The following DIDO1 variants were observed in gnomAD, a reference collection of about 807,000 sequenced individuals.
The protein encoded by DIDO1 is death inducer-obliterator 1.
DIDO1 carries 16 observed loss-of-function variants against 99.4 expected under a neutral mutation model. The observed-to-expected ratio is 0.16, with a 90% CI of 0.11 to 0.24. The LOEUF (loss-of-function observed/expected upper bound fraction) is 0.24, where lower values mean the gene tolerates loss of function less well. Among genes scored for constraint, DIDO1 ranks in the 10% least tolerant of loss-of-function variants. DIDO1 has a pLI of 1.00. For missense variants in DIDO1, 2,996 were observed against 3,014.0 expected, an observed-to-expected ratio of 0.99 and a Z score of 0.14; for synonymous variants, 1,366 against 1,239.1, an observed-to-expected ratio of 1.10 and a Z score of -2.15.
chr20:62,920,693 TG>T (rs1319285459), intron 1 of DIDO1, among the ~76,000 whole-genome samples: 1 of 152,252 alleles, frequency 6.6e-6, no homozygotes, highest in Non-Finnish European at 1.5e-5. Context: ...CATTCCATGC[TG>T]TTTCCACAGC....
chr20:62,907,444 A>T, intron 4 of DIDO1, 85 bp from the exon 5 acceptor site: 5 of 1,301,016 alleles, frequency 3.8e-6, no homozygotes, highest in East Asian at 2.3e-5. Context: ...CACCATTTAT[A>T]GTACCAAGGC....
At position 62,907,136 on chromosome 20, in the gene DIDO1, G is replaced by A. The variant is rs1326297183; in HGVS notation, c.1374+11C>T. The A allele has an allele frequency of 2.5e-6, 4 of 1,613,806 alleles. No homozygotes were observed. In the Admixed American group the frequency reaches 6.7e-5, roughly 27 times the overall value. On this transcript the variant is annotated intron_variant, in intron 5 of 15. Transcript: ENST00000395343. ...GTCCACTGCCTGGGCGGCTGGTCCT[G>A]GTCCACTCACCTGAGCACCGCATTT...
chr20:62,893,858 G>A lies in DIDO1; in HGVS notation c.2909C>T (p.Thr970Ile), dbSNP rs2064454124. The change falls in exon 12 of 16, where the codon ACC becomes ATC. Residue 970 changes from threonine (T) to isoleucine (I), a missense_variant. This residue lies in a region of DIDO1 where 898 missense variants were observed against 972.7 expected (regional missense o/e 0.92). Transcript: ENST00000395343. ...TVTVSGRDPR[T>I]APSSSCTAVA... ...GGCTGTGCATGAACTGCTTGGAGCG[G>A]TCCTGGGGTCCCGGCCGGACACTGT... is the stretch of plus-strand genomic sequence containing the variant. The A allele has an allele frequency of 6.2e-7, 1 of 1,613,506 alleles. No homozygotes were observed. The highest frequency in any genetic ancestry group is 1.1e-5 in the South Asian group (1 of 91,070).
intron 1 of DIDO1, among the ~76,000 whole-genome samples, chr20:62,915,643 T>C (rs1395700085): frequency 6.6e-6 from 1 of 152,086 alleles, no homozygotes; most frequent in African/African-American, 2.4e-5. Flanking sequence ...TGCGTGCCAC[T>C]ATGCCCAGCT....
chr20:62,888,177 G>A, intron 15 of DIDO1: 3 of 985,554 alleles, frequency 3.0e-6, no homozygotes, highest in Non-Finnish European at 3.6e-6. Context: ...GAGGGGGCTA[G>A]GACTGGACAC....
At chr20:62,900,008 TA>T (rs1471299315) in intron 6 of DIDO1, among the ~76,000 whole-genome samples, 1 of 152,192 alleles carries the variant, frequency 6.6e-6, no homozygotes, top group East Asian at 1.9e-4. Context: ...ACGTTGTGTA[TA>T]ACTTCAGAGA....
intron 1 of DIDO1, among the ~76,000 whole-genome samples, chr20:62,921,920 T>C (rs1481700132): frequency 6.7e-6 from 1 of 149,484 alleles, no homozygotes; most frequent in Non-Finnish European, 1.5e-5. Context: ...ATATATACAC[T>C]ATATATGTCC....
In DIDO1 at chr20:62,881,106, G is replaced by A. The variant is rs1259006432; in HGVS notation, c.4850C>T (p.Ser1617Phe). The A allele has an allele frequency of 6.2e-7, 1 of 1,609,400 alleles. No individual in the cohort carries two copies. The highest frequency in any genetic ancestry group is 2.2e-5 in the East Asian group (1 of 44,838). ...GGGCTTTTCGCCCGAAGCCCAGGGG[G>A]AAGAGGCTGGCTCTTTTTCCTCCGG... ...PVPEEKEPAS[S>F]PWASGEKPPA... The change falls in exon 16 of 16, where the codon TCC becomes TTC. Residue 1617 changes from serine (S) to phenylalanine (F), a missense_variant. Ser to Phe is a radical substitution (Grantham distance 155). Transcript: ENST00000395343. This position sits in a 1 kb window ranked among gnomAD's most constrained non-coding sequence, Gnocchi z 8.3.
intron 6 of DIDO1, among the ~76,000 whole-genome samples, chr20:62,897,641 G>A (rs2064566912): frequency 6.6e-6 from 1 of 152,228 alleles, no homozygotes; most frequent in Non-Finnish European, 1.5e-5. Flanking sequence ...CCCTCAGGCT[G>A]TAATTCCATT....
At chr20:62,882,627 C>T (rs969403680) in intron 15 of DIDO1, among the ~76,000 whole-genome samples, 25 of 152,214 alleles carry the variant, frequency 1.6e-4, no homozygotes, top group Non-Finnish European at 2.9e-4. Flanking sequence ...GGGAACACAC[C>T]GTGCCAGGAA....
At position 62,911,303 on chromosome 20, in the gene DIDO1, C is replaced by T. The variant is rs2064933127; in HGVS notation, c.310G>A (p.Ala104Thr). The part of the protein sequence containing the change: ...EDSGEPTSCP[A>T]TDAETASEGS... ...TCGGAGGCTGTCTCGGCGTCTGTGGCGGGGCAGGACGTGGGCTCACCAGAA... is the reference window on the plus strand; with the variant it reads ...TCGGAGGCTGTCTCGGCGTCTGTGGTGGGGCAGGACGTGGGCTCACCAGAA... The change falls in exon 3 of 16, where the codon GCC becomes ACC. Residue 104 changes from alanine (A) to threonine (T), a missense_variant. By Grantham distance (58) the Ala-to-Thr change is moderately conservative (BLOSUM62 0). Transcript: ENST00000395343. This position sits in a 1 kb window ranked among gnomAD's most constrained non-coding sequence, Gnocchi z 7.0. The T allele has an allele frequency of 2.5e-6, 4 of 1,609,460 alleles. No homozygotes were observed. Among genetic ancestry groups the T allele is most frequent in the Admixed American group, 1.7e-5 (1 of 59,992 alleles).
intron 1 of DIDO1, among the ~76,000 whole-genome samples, chr20:62,931,773 G>C (rs1459685926): frequency 6.6e-6 from 1 of 152,192 alleles, no homozygotes; most frequent in African/African-American, 2.4e-5. Flanking sequence ...GGGAGTATGG[G>C]ACCTTAGGGG....
chr20:62,911,761 T>C lies in DIDO1; in HGVS notation c.-2-147A>G. ...TCCTTCTGACCAGTGTTTCCTAATG[T>C]GTGCTATGTGAGATGATTCAAGATG... On this transcript the variant is annotated intron_variant, in intron 2 of 15. Coordinates refer to ENST00000395343, the MANE Select transcript of DIDO1 (RefSeq NM_001193369.2). This position sits in a 1 kb window ranked among gnomAD's most constrained non-coding sequence, Gnocchi z 7.0. The C allele has an allele frequency of 1.6e-6, 1 of 607,366 alleles. No individual in the cohort carries two copies. Among genetic ancestry groups the C allele is most frequent in the Non-Finnish European group, 2.7e-6 (1 of 371,894 alleles). The allele number at this position is 607,366 out of a possible 1,614,324, so 37.6% of individuals were successfully genotyped here.
chr20:62,915,756 T>C (rs549072284), intron 1 of DIDO1, among the ~76,000 whole-genome samples: 56 of 152,124 alleles, frequency 3.7e-4, no homozygotes, highest in African/African-American at 1.3e-3. Flanking sequence ...GCCTCCAGAG[T>C]TTTGGGGAGT....
Position 62,911,130 on chromosome 20 carries a change from C to G in DIDO1, c.483G>C (p.Leu161Phe). 6.2e-7 allele frequency: 1 copy of G among 1,614,094 alleles called. No homozygotes were observed. The highest frequency in any genetic ancestry group is 8.5e-7 in the Non-Finnish European group (1 of 1,180,040). ...TSDSDSDGLT[L>F]KELQNRLRRK... is the part of the protein sequence containing the mutation. ...TGCGAAGGCGATTCTGAAGCTCTTTCAAGGTCAGGCCATCGCTGTCACTAT... is the reference window on the plus strand; with the variant it reads ...TGCGAAGGCGATTCTGAAGCTCTTTGAAGGTCAGGCCATCGCTGTCACTAT... Residue 161 changes from leucine (L) to phenylalanine (F), a missense_variant, in exon 3 of 16, where the codon TTG (leucine) becomes TTC (phenylalanine). Around this residue, in one of 5 missense-constraint regions of DIDO1, gnomAD observed 388 missense variants for 376.6 expected, o/e 1.03. Transcript: ENST00000395343. This position sits in a 1 kb window ranked among gnomAD's most constrained non-coding sequence, Gnocchi z 7.0.
At chr20:62,927,395 AC>A (rs1272015938), upstream of DIDO1, among the ~76,000 whole-genome samples, 5 of 152,212 alleles carry the variant, frequency 3.3e-5, no homozygotes, top group Non-Finnish European at 7.3e-5. Context: ...CTCAATAGTA[AC>A]TAGAGTGACA....
At position 62,881,838 on chromosome 20, in the gene DIDO1, T is replaced by C; in HGVS notation, c.4118A>G (p.Asp1373Gly). 1 of 1,613,546 alleles carries C rather than the reference T, an allele frequency of 6.2e-7. No individual in the cohort carries two copies. Among genetic ancestry groups the C allele is most frequent in the Non-Finnish European group, 8.5e-7 (1 of 1,180,012 alleles). Residue 1373 changes from aspartate to glycine, a missense_variant, in exon 16 of 16, where the codon GAT becomes GGT. By Grantham distance (94) the Asp-to-Gly change is moderately conservative. This residue lies in a region of DIDO1 where 1,562 missense variants were observed against 1,412.6 expected (regional missense o/e 1.11). Transcript: ENST00000395343. This position sits in a 1 kb window ranked among gnomAD's most constrained non-coding sequence, Gnocchi z 8.3. Reference sequence around the variant, plus strand: ...GTCCTCCTCTTCCTCTAGAGCCTTATCTTTTGAGAACTGACCGAACTGCTG... The same window carrying C: ...GTCCTCCTCTTCCTCTAGAGCCTTACCTTTTGAGAACTGACCGAACTGCTG... ...IVQQFGQFSK[D>G]KALEEEEDDR...
In DIDO1 at chr20:62,906,012, C is replaced by A; in HGVS notation, c.1463G>T (p.Arg488Leu). Reference sequence around the variant, plus strand: ...TGCTTCCTTCCCGAGTGCTTCACTCCGCGCAGGGACCACCACTGCCTTCTT... The same window carrying A: ...TGCTTCCTTCCCGAGTGCTTCACTCAGCGCAGGGACCACCACTGCCTTCTT... ...TVKKAVVVPA[R>L]SEALGKEAAC... The change falls in exon 6 of 16, where the codon CGG (arginine) becomes CTG (leucine). Residue 488 changes from arginine (R) to leucine (L), a missense_variant. Physicochemically the swap from Arg to Leu is moderately radical, Grantham distance 102 (BLOSUM62 -2). Around this residue, in one of 5 missense-constraint regions of DIDO1, gnomAD observed 898 missense variants for 972.7 expected, o/e 0.92. Coordinates refer to ENST00000395343, the MANE Select transcript of DIDO1 (RefSeq NM_001193369.2). 1 of 1,614,006 alleles carries A rather than the reference C, an allele frequency of 6.2e-7. No individual in the cohort carries two copies. The highest frequency in any genetic ancestry group is 8.5e-7 in the Non-Finnish European group (1 of 1,180,034).
At position 62,910,911 on chromosome 20, in the gene DIDO1, T is replaced by C; in HGVS notation, c.702A>G (p.Arg234=). The C allele has an allele frequency of 6.2e-7, 1 of 1,614,170 alleles. No individual in the cohort carries two copies. Among genetic ancestry groups the C allele is most frequent in the Non-Finnish European group, 8.5e-7 (1 of 1,180,036 alleles). ...GVVSQAGKDD[R]ESKLEGKAAQ... ...CCGCCTTTCCCTCCAACTTACTCTC[T>C]CTGTCATCTTTCCCAGCCTGGGACA... Residue 234 remains arginine (R), a synonymous_variant, in exon 3 of 16, where the codon AGA becomes AGG. Coordinates refer to ENST00000395343, the MANE Select transcript of DIDO1 (RefSeq NM_001193369.2).
Sources: allele counts gnomAD v4.1 joint callset (sites outside exome capture counted in the v4.1 genomes callset), GRCh38; gene constraint gnomAD v4.1.1; regional missense constraint gnomAD v4.1.1; non-coding constraint Gnocchi (gnomAD v3.1); transcripts MANE v1.5; gene names NCBI Gene and HGNC (gene_info 2026-07-23, HGNC 2026-07-21).